The following CHM variants were observed in gnomAD, a reference collection of about 807,000 sequenced individuals.
CHM encodes CHM Rab escort protein, also known as rab proteins geranylgeranyltransferase component A 1.
Under a neutral mutation model 49.0 loss-of-function variants are expected in CHM, and 10 were observed. The ratio of observed to expected loss-of-function variants is 0.20; its 90% CI spans 0.13 to 0.35. CHM has a LOEUF of 0.35. Among genes scored for constraint, CHM ranks in the 10% least tolerant of loss-of-function variants. The probability of loss-of-function intolerance (pLI) is 1.00; values close to 1 mark genes in which losing one functional copy is unlikely to be tolerated. For missense variants in CHM, 455 were observed against 478.4 expected (o/e 0.95, Z 0.46); for synonymous variants, 184 against 167.5 (o/e 1.10, Z -0.76).
At chrX:86,020,138 A>G (rs188537201) in intron 2 of CHM, among the ~76,000 whole-genome samples, 1 of 111,103 alleles carries the variant, frequency 9.0e-6, no homozygotes, top group East Asian at 2.8e-4. Context: ...TAAAATTCTC[A>G]CCATTCACCT....
At chrX:85,874,969 C>G (rs1407664319) in intron 13 of CHM, among the ~76,000 whole-genome samples, 1 of 111,528 alleles carries the variant, frequency 9.0e-6, no homozygotes, top group African/African-American at 3.3e-5. Flanking sequence ...GTGCCCAGCC[C>G]ATTTCTAAGC....
At chrX:85,881,514 G>C (rs1924759103) in intron 12 of CHM, among the ~76,000 whole-genome samples, 2 of 111,983 alleles carry the variant, frequency 1.8e-5, no homozygotes, top group African/African-American at 6.5e-5. Context: ...AACAGGGATG[G>C]GGGGCTATGC....
intron 1 of CHM, among the ~76,000 whole-genome samples, chrX:86,034,737 G>A (rs1254902301): frequency 2.7e-5 from 3 of 111,237 alleles, no homozygotes; most frequent in East Asian, 5.7e-4. Context: ...CCGAGATCAC[G>A]CCATTGCACT....
chrX:85,984,610 A>T (rs1711777390), intron 2 of CHM, among the ~76,000 whole-genome samples: 1 of 112,019 alleles, frequency 8.9e-6, no homozygotes, highest in Non-Finnish European at 1.9e-5. Context: ...AGGAAATTAC[A>T]CATGAGAAAA....
chrX:85,939,053 T>C (rs766222720), intron 8 of CHM, among the ~76,000 whole-genome samples: 1 of 112,263 alleles, frequency 8.9e-6, no homozygotes, highest in African/African-American at 3.2e-5. Flanking sequence ...TGTTACACAA[T>C]TGCCTACAGT....
chrX:85,948,652 A>G (rs1929551292), intron 8 of CHM, among the ~76,000 whole-genome samples: 1 of 111,938 alleles, frequency 8.9e-6, no homozygotes, highest in South Asian at 3.7e-4. Flanking sequence ...TACCATTTAT[A>G]ATAGTAGCCT....
intron 4 of CHM, among the ~76,000 whole-genome samples, chrX:85,966,818 A>G: frequency 8.9e-6 from 1 of 112,060 alleles, no homozygotes; most frequent in Non-Finnish European, 1.9e-5. Context: ...GTGAAAACTG[A>G]GCATAGCAAA....
chrX:85,918,454 A>C (rs1927586498), intron 8 of CHM, among the ~76,000 whole-genome samples: 1 of 112,212 alleles, frequency 8.9e-6, no homozygotes, highest in Non-Finnish European at 1.9e-5. Context: ...AAACATGCTG[A>C]AGTACATAGA....
chrX:86,041,182 G>A (rs184130773), intron 1 of CHM, among the ~76,000 whole-genome samples: 15 of 111,423 alleles, frequency 1.3e-4, no homozygotes, highest in African/African-American at 4.6e-4. Context: ...CATGAGGCAT[G>A]GGAGATGAAA....
At position 85,949,978 on chromosome X, in the gene CHM, A is replaced by AATATATAT. The variant is rs200318878; in HGVS notation, c.1166+6167_1166+6174dup. 8.1e-3 allele frequency among the ~76,000 whole-genome samples: 348 copies of AATATATAT among 42,761 alleles called. 19 individuals are homozygous for AATATATAT. The highest frequency in any genetic ancestry group is 0.022 in the African/African-American group (264 of 12,158). The allele number at this position is 42,761 out of a possible 115,157, so 37.1% of individuals were successfully genotyped here. A position where few individuals can be genotyped will look rare whatever the true frequency, so the allele number is the denominator to read the frequency against. The stretch of plus-strand genomic sequence containing the variant: ...CTTTGAGCAATAAACACTGAAATTA[A>AATATATAT]ATATATATATATATATATATATATA... On this transcript the variant is annotated intron_variant, in intron 8 of 14. Transcript: ENST00000357749.
rs945340353 is a variant in CHM at position 85,957,304 on chromosome X, C to T, written c.940+551G>A. Among the ~76,000 whole-genome samples the T allele has an allele frequency of 8.1e-5, 9 of 111,324 alleles. No individual in the cohort carries two copies. The Admixed American group carries it at 8.6e-4, about 11-fold the overall frequency. ...TTTTAACAGACAATGAAGTAACTGG[C>T]CCCAGATCACATAATGAAATAGGTC... is the stretch of plus-strand genomic sequence containing the variant. On this transcript the variant is annotated intron_variant, in intron 7 of 14. Coordinates refer to ENST00000357749, the MANE Select transcript of CHM (RefSeq NM_000390.4).
At chrX:85,997,723 G>C (rs1932505359) in intron 2 of CHM, among the ~76,000 whole-genome samples, 1 of 111,212 alleles carries the variant, frequency 9.0e-6, no homozygotes, top group South Asian at 3.8e-4. Context: ...TGGCCAATGG[G>C]TAAATCACTT....
intron 11 of CHM, among the ~76,000 whole-genome samples, chrX:85,895,183 T>TGGTGTACA (rs201063494): frequency 0.027 from 2,748 of 101,564 alleles, 124 homozygotes; most frequent in African/African-American, 0.096. Flanking sequence ...TTGCCCAGGC[T>TGGTGTACA]GGTGTACAGT....
At chrX:85,954,681 C>T (rs1297771891) in intron 8 of CHM, among the ~76,000 whole-genome samples, 3 of 110,712 alleles carry the variant, frequency 2.7e-5, no homozygotes, top group Non-Finnish European at 5.7e-5. Context: ...ATCACAAAGT[C>T]GGGAGTTCAA....
At chrX:86,008,878 A>G (rs1331011479) in intron 2 of CHM, among the ~76,000 whole-genome samples, 1 of 112,565 alleles carries the variant, frequency 8.9e-6, no homozygotes, top group South Asian at 3.6e-4. Context: ...CTTTCAGAAC[A>G]TAGTCCTTAT....
intron 9 of CHM, among the ~76,000 whole-genome samples, chrX:85,909,282 G>A (rs1442865226): frequency 1.8e-5 from 2 of 111,091 alleles, no homozygotes; most frequent in South Asian, 3.8e-4. Context: ...ATATTGATAC[G>A]GCCTTAGACT....
chrX:86,043,649 C>T (rs1934557396), intron 1 of CHM, among the ~76,000 whole-genome samples: 1 of 110,905 alleles, frequency 9.0e-6, no homozygotes, highest in Non-Finnish European at 1.9e-5. Context: ...AGGTTTCAAA[C>T]TCCTGAGCTC....
chrX:85,967,666 A>G (rs899182028), intron 4 of CHM, among the ~76,000 whole-genome samples: 4 of 112,326 alleles, frequency 3.6e-5, no homozygotes, highest in African/African-American at 1.3e-4. Flanking sequence ...GATTTCACAA[A>G]TTAAATTTAG....
chrX:85,961,630 C>T (rs755994045), intron 5 of CHM, among the ~76,000 whole-genome samples: 6 of 109,169 alleles, frequency 5.5e-5, no homozygotes, highest in Non-Finnish European at 7.6e-5. Flanking sequence ...ATTTTAAAAA[C>T]GGAAAATTAA....
Sources: gnomAD v4.1 joint callset for allele counts (sites outside exome capture counted in the v4.1 genomes callset) on GRCh38, gnomAD v4.1.1 for gene constraint, MANE v1.5 for transcripts, NCBI Gene and HGNC (gene_info 2026-07-23, HGNC 2026-07-21) for gene names.